The following OPCML variants were observed in gnomAD, a reference collection of about 807,000 sequenced individuals.
OPCML encodes opioid binding protein/cell adhesion molecule like.
OPCML carries 13 observed loss-of-function variants against 37.8 expected under a neutral mutation model. The ratio of observed to expected loss-of-function variants is 0.34; its 90% CI spans 0.22 to 0.55. The LOEUF (loss-of-function observed/expected upper bound fraction) is 0.55, where lower values mean the gene tolerates loss of function less well. OPCML is among the 20% of genes least tolerant of loss of function. OPCML has a pLI of 0.91. For synonymous variants in OPCML, 176 were observed against 168.8 expected (o/e 1.04, Z -0.33); for missense variants, 341 against 435.6 (o/e 0.78, Z 1.93).
intron 1 of OPCML, among the ~76,000 whole-genome samples, chr11:132,966,842 T>C (rs1255559445): frequency 2.0e-5 from 3 of 152,066 alleles, no homozygotes; most frequent in African/African-American, 7.2e-5. Context: ...TTAAAATATA[T>C]TTTGTGAAAT....
chr11:133,262,074 C>T (rs1384935630), intron 1 of OPCML, among the ~76,000 whole-genome samples: 1 of 152,180 alleles, frequency 6.6e-6, no homozygotes, highest in African/African-American at 2.4e-5. Flanking sequence ...AAAATAATTA[C>T]TTTTAGTTGA....
At chr11:132,600,935 C>T (rs1937837503) in intron 3 of OPCML, among the ~76,000 whole-genome samples, 1 of 148,702 alleles carries the variant, frequency 6.7e-6, no homozygotes, top group South Asian at 2.1e-4. Flanking sequence ...AAGTGATCCT[C>T]CCACCTCAGC....
intron 1 of OPCML, among the ~76,000 whole-genome samples, chr11:133,482,649 C>A (rs567138483): frequency 6.6e-6 from 1 of 151,902 alleles, no homozygotes; most frequent in Non-Finnish European, 1.5e-5. Context: ...GCTACCAGAG[C>A]TTTAAGATTC....
intron 1 of OPCML, among the ~76,000 whole-genome samples, chr11:133,114,166 G>A (rs1055862430): frequency 2.6e-5 from 4 of 152,034 alleles, no homozygotes; most frequent in African/African-American, 9.7e-5. Context: ...AACCAGTTCT[G>A]CCCAAAGCAA....
intron 3 of OPCML, among the ~76,000 whole-genome samples, chr11:132,631,647 T>A (rs1179795546): frequency 1.3e-5 from 2 of 150,836 alleles, no homozygotes; most frequent in Non-Finnish European, 3.0e-5. Context: ...TTATTTTTAG[T>A]AGAGACATAT....
At chr11:133,068,404 T>C (rs1011392915) in intron 1 of OPCML, among the ~76,000 whole-genome samples, 1 of 152,224 alleles carries the variant, frequency 6.6e-6, no homozygotes, top group Non-Finnish European at 1.5e-5. Flanking sequence ...TATGCCCAAA[T>C]GGTAAAGGGG....
intron 7 of OPCML, among the ~76,000 whole-genome samples, chr11:132,425,030 C>G (rs966879068): frequency 6.6e-6 from 1 of 152,166 alleles, no homozygotes; most frequent in African/African-American, 2.4e-5. Context: ...CACAGCCAAG[C>G]TTCCTGGCTA....
intron 1 of OPCML, among the ~76,000 whole-genome samples, chr11:133,275,723 A>G (rs755177649): frequency 2.1e-4 from 32 of 152,176 alleles, no homozygotes; most frequent in Non-Finnish European, 3.2e-4. Context: ...TTTATTCACC[A>G]CTGTGTCCCT....
chr11:133,116,356 A>G (rs959861655), intron 1 of OPCML, among the ~76,000 whole-genome samples: 2 of 152,330 alleles, frequency 1.3e-5, no homozygotes, highest in East Asian at 1.9e-4. Flanking sequence ...CATAATTTCT[A>G]TGCAAATCAA....
Position 132,415,380 on chromosome 11 carries a change from C to T in OPCML, c.*4813G>A, listed in dbSNP as rs2095935127. The T allele has an allele frequency of 6.6e-6, 1 of 152,186 alleles. No individual in the cohort carries two copies. The highest frequency in any genetic ancestry group is 6.5e-5 in the Admixed American group (1 of 15,276). 9.4% of individuals were successfully genotyped at this position (152,186 alleles called of 1,614,324 possible). ...TGAACTTGACAGACACATTTTCGTT[C>T]ACCCACACAGTCCTCACAACTGCAC... On this transcript the variant is annotated 3_prime_UTR_variant, in exon 8 of 8. Transcript: ENST00000524381.
intron 1 of OPCML, among the ~76,000 whole-genome samples, chr11:133,257,473 T>C (rs1249742347): frequency 2.6e-5 from 4 of 152,194 alleles, no homozygotes; most frequent in African/African-American, 7.2e-5. Context: ...TGTACCTGTA[T>C]CACAAGTTGG....
intron 2 of OPCML, among the ~76,000 whole-genome samples, chr11:132,662,412 C>CA (rs57243826): frequency 0.49 from 58,814 of 119,834 alleles, 12,362 homozygotes; most frequent in Middle Eastern, 0.56. Context: ...TTTGAAAATG[C>CA]AAAAAAAAAA....
chr11:132,946,905 A>T (rs1215688153), intron 1 of OPCML, among the ~76,000 whole-genome samples: 2 of 152,206 alleles, frequency 1.3e-5, no homozygotes, highest in African/African-American at 4.8e-5. Context: ...TAGTATCACC[A>T]GACGGGAAAG....
At chr11:133,146,086 A>T (rs1376599414) in intron 1 of OPCML, among the ~76,000 whole-genome samples, 1 of 152,022 alleles carries the variant, frequency 6.6e-6, no homozygotes, top group Non-Finnish European at 1.5e-5. Flanking sequence ...TGAGATTTTT[A>T]CTCTAGGCTT....
chr11:133,310,688 G>A (rs1943048576), intron 1 of OPCML, among the ~76,000 whole-genome samples: 1 of 152,070 alleles, frequency 6.6e-6, no homozygotes, highest in South Asian at 2.1e-4. Flanking sequence ...TTCCCTGGAA[G>A]GACTGTTCCC....
At chr11:132,526,543 T>C (rs559558936) in intron 4 of OPCML, among the ~76,000 whole-genome samples, 187 of 152,292 alleles carry the variant, frequency 1.2e-3, no homozygotes, top group Admixed American at 3.5e-3. Flanking sequence ...ATTAGCATTA[T>C]CTTTCCCTAT....
intron 1 of OPCML, among the ~76,000 whole-genome samples, chr11:132,944,391 G>A (rs1190919911): frequency 6.6e-6 from 1 of 152,128 alleles, no homozygotes; most frequent in Non-Finnish European, 1.5e-5. Flanking sequence ...ACGGCTCCCC[G>A]CCCAGCCAAG....
chr11:132,574,898 T>A (rs1006697630), intron 3 of OPCML, among the ~76,000 whole-genome samples: 16 of 152,046 alleles, frequency 1.1e-4, no homozygotes, highest in African/African-American at 3.9e-4. Context: ...GTTTCTCCTC[T>A]CAGTTCTGTC....
chr11:133,442,727 G>T (rs892060049), intron 1 of OPCML, among the ~76,000 whole-genome samples: 2 of 21,216 alleles, frequency 9.4e-5, no homozygotes, highest in East Asian at 2.3e-3. Context: ...ATATTTAAAC[G>T]TGTGTGTGTG....
Sources: allele counts gnomAD v4.1 joint callset (sites outside exome capture counted in the v4.1 genomes callset), GRCh38; gene constraint gnomAD v4.1.1; transcripts MANE v1.5; gene names NCBI Gene and HGNC (gene_info 2026-07-23, HGNC 2026-07-21).